The following PTPRD variants were observed in gnomAD, a reference collection of about 807,000 sequenced individuals.
PTPRD encodes receptor-type tyrosine-protein phosphatase delta.
A neutral mutation model predicts 214.5 loss-of-function variants in PTPRD; 34 were observed. That is an observed-to-expected ratio of 0.16 (90% CI 0.12 to 0.21). PTPRD has a LOEUF of 0.21. PTPRD is among the 10% of genes least tolerant of loss of function. The pLI is 1.00. For missense variants in PTPRD, 2,545 were observed against 2,398.7 expected (o/e 1.06, Z -1.27); for synonymous variants, 1,128 against 845.7 (o/e 1.33, Z -5.79).
chr9:8,764,300 A>T (rs909356971), intron 11 of PTPRD, among the ~76,000 whole-genome samples: 3 of 152,182 alleles, frequency 2.0e-5, no homozygotes, highest in Non-Finnish European at 4.4e-5. Context: ...GCAAGAGAGG[A>T]AAACTCTTGA....
chr9:9,757,646 AG>A (rs2098600343), intron 6 of PTPRD, among the ~76,000 whole-genome samples: 1 of 152,172 alleles, frequency 6.6e-6, no homozygotes, highest in African/African-American at 2.4e-5. Context: ...AGAATTTCAT[AG>A]AAAGGATGTG....
At chr9:9,061,103 C>A (rs2099706413) in intron 10 of PTPRD, among the ~76,000 whole-genome samples, 1 of 152,078 alleles carries the variant, frequency 6.6e-6, no homozygotes, top group Admixed American at 6.6e-5. Flanking sequence ...GGAGTAAGGG[C>A]AGGGTTACTA....
intron 11 of PTPRD, among the ~76,000 whole-genome samples, chr9:8,933,341 T>A (rs1330475210): frequency 1.7e-5 from 1 of 59,130 alleles, no homozygotes; most frequent in Non-Finnish European, 3.9e-5. Flanking sequence ...AACCTTGAGG[T>A]TTTTTTTTTT....
intron 11 of PTPRD, among the ~76,000 whole-genome samples, chr9:8,915,498 C>G (rs1018916048): frequency 1.3e-5 from 2 of 152,088 alleles, no homozygotes; most frequent in African/African-American, 4.8e-5. Flanking sequence ...TGTGTGTGCA[C>G]ATTCGTGTGT....
chr9:10,384,849 C>T (rs895878354), intron 2 of PTPRD, among the ~76,000 whole-genome samples: 2 of 151,462 alleles, frequency 1.3e-5, no homozygotes, highest in Non-Finnish European at 3.0e-5. Flanking sequence ...TGATTTTTAA[C>T]GATGTATAAA....
intron 2 of PTPRD, among the ~76,000 whole-genome samples, chr9:10,490,883 C>T (rs963371703): frequency 3.9e-5 from 6 of 152,174 alleles, no homozygotes; most frequent in Admixed American, 6.6e-5. Context: ...AACAACTTTA[C>T]TACTCCTACT....
At chr9:10,280,458 T>A in intron 3 of PTPRD, among the ~76,000 whole-genome samples, 1 of 151,096 alleles carries the variant, frequency 6.6e-6, no homozygotes. Context: ...ATGATTAGAG[T>A]AATAAAGATG....
intron 4 of PTPRD, among the ~76,000 whole-genome samples, chr9:9,948,353 T>A (rs1029964364): frequency 6.6e-6 from 1 of 152,080 alleles, no homozygotes; most frequent in Non-Finnish European, 1.5e-5. Flanking sequence ...GGATGTGTAT[T>A]CCTTATTGCT....
chr9:9,199,506 G>C (rs2099940619), intron 9 of PTPRD, among the ~76,000 whole-genome samples: 1 of 152,092 alleles, frequency 6.6e-6, no homozygotes, highest in Non-Finnish European at 1.5e-5. Context: ...GCGCTAATGA[G>C]AGGAATGAAA....
chr9:10,215,325 G>A (rs1193346903), intron 3 of PTPRD, among the ~76,000 whole-genome samples: 1 of 151,710 alleles, frequency 6.6e-6, no homozygotes, highest in Non-Finnish European at 1.5e-5. Context: ...ATAATTAAAT[G>A]ATAAACTGAA....
At chr9:9,622,385 C>G (rs2095273853) in intron 7 of PTPRD, among the ~76,000 whole-genome samples, 1 of 152,188 alleles carries the variant, frequency 6.6e-6, no homozygotes, top group South Asian at 2.1e-4. Context: ...TCCACTAGTA[C>G]AGCCTAGCTA....
intron 3 of PTPRD, among the ~76,000 whole-genome samples, chr9:10,120,919 C>A (rs1224456724): frequency 6.6e-6 from 1 of 151,904 alleles, no homozygotes; most frequent in African/African-American, 2.4e-5. Context: ...AAAAAATAGA[C>A]AAAGCTCACG....
chr9:8,433,625 A>T (rs1456738065), intron 35 of PTPRD, among the ~76,000 whole-genome samples: 2 of 152,204 alleles, frequency 1.3e-5, no homozygotes, highest in Non-Finnish European at 2.9e-5. Flanking sequence ...AAAATTCTAA[A>T]AAGTTAATAT....
At chr9:9,730,542 T>G (rs903657953) in intron 7 of PTPRD, among the ~76,000 whole-genome samples, 2 of 152,140 alleles carry the variant, frequency 1.3e-5, no homozygotes, top group Non-Finnish European at 2.9e-5. Context: ...AATAACTATA[T>G]AAGTACAAAA....
At chr9:10,053,385 A>C (rs912983969) in intron 3 of PTPRD, among the ~76,000 whole-genome samples, 2 of 152,146 alleles carry the variant, frequency 1.3e-5, no homozygotes, top group Non-Finnish European at 2.9e-5. Flanking sequence ...CATGGATATC[A>C]GTAGGTTTTA....
chr9:8,832,024 A>G (rs780257912), intron 11 of PTPRD, among the ~76,000 whole-genome samples: 2 of 152,186 alleles, frequency 1.3e-5, no homozygotes, highest in African/African-American at 2.4e-5. Context: ...GGCAACAATG[A>G]AAAGTGTTTG....
chr9:8,408,639 T>C (rs1280552428), intron 35 of PTPRD, among the ~76,000 whole-genome samples: 2 of 152,206 alleles, frequency 1.3e-5, no homozygotes, highest in African/African-American at 4.8e-5. Context: ...ATTTTTTGTG[T>C]CTCCAGCCAA....
chr9:9,819,968 C>G (rs138397976), intron 5 of PTPRD, among the ~76,000 whole-genome samples: 1 of 152,162 alleles, frequency 6.6e-6, no homozygotes, highest in Non-Finnish European at 1.5e-5. Flanking sequence ...GAGTACGTGT[C>G]TTTTTGGTAG....
chr9:8,975,340 T>A lies in PTPRD; in HGVS notation c.-104+43357A>T, dbSNP rs546906655. On this transcript the variant is annotated intron_variant, in intron 11 of 45. Coordinates refer to ENST00000381196, the MANE Select transcript of PTPRD (RefSeq NM_002839.4). ...CATTTCTATGTACTCCTAACTCTGCTTTTCAGTTGAAGAAACTGAGGCCTA... is the reference window on the plus strand; with the variant it reads ...CATTTCTATGTACTCCTAACTCTGCATTTCAGTTGAAGAAACTGAGGCCTA... Among the ~76,000 whole-genome samples the A allele has an allele frequency of 2.0e-4, 30 of 152,196 alleles. 1 individual carries two copies. The highest frequency in any genetic ancestry group is 7.2e-4 in the African/African-American group (30 of 41,572).
Sources: allele counts gnomAD v4.1 joint callset (sites outside exome capture counted in the v4.1 genomes callset), GRCh38; gene constraint gnomAD v4.1.1; transcripts MANE v1.5; gene names NCBI Gene and HGNC (gene_info 2026-07-23, HGNC 2026-07-21).